The following PARVG variants were observed in gnomAD, a reference collection of about 807,000 sequenced individuals.
The protein encoded by PARVG is gamma-parvin.
A neutral mutation model predicts 44.4 loss-of-function variants in PARVG; 36 were observed. That is an observed-to-expected ratio of 0.81 (90% CI 0.62 to 1.07). The LOEUF is 1.07. PARVG is among the 50% of genes least tolerant of loss of function. The pLI is 0.00. For synonymous variants in PARVG, 170 were observed against 174.1 expected, an observed-to-expected ratio of 0.98 and a Z score of 0.19; for missense variants, 407 against 407.4, an observed-to-expected ratio of 1.00 and a Z score of 0.01.
intron 9 of PARVG, 64 bp from the exon 10 acceptor site, chr22:44,196,091 A>G (rs1266933657): frequency 9.4e-6 from 15 of 1,594,286 alleles, no homozygotes; most frequent in African/African-American, 1.3e-5. Context: ...GAAAAAAAAA[A>G]TTCCCTGTTT....
At chr22:44,193,732 T>G in intron 8 of PARVG, 69 bp from the exon 9 acceptor site, 50 of 1,586,190 alleles carry the variant, frequency 3.2e-5, no homozygotes, top group Non-Finnish European at 3.9e-5. Context: ...CTTGTCATAT[T>G]GAGAAATTGT....
intron 12 of PARVG, among the ~76,000 whole-genome samples, chr22:44,202,863 G>A (rs896185259): frequency 2.0e-5 from 3 of 152,140 alleles, no homozygotes; most frequent in African/African-American, 7.2e-5. Context: ...AGGATCATTC[G>A]CTCCCAGAAA....
chr22:44,190,731 C>A lies in PARVG; in HGVS notation c.504+65C>A, dbSNP rs2147227627. ...AGCCTCTTGGGCCCCCATTGCCGTA[C>A]CCTGCATGGGTGGAGCTGGCTGGGG... On this transcript the variant is annotated intron_variant, in intron 7 of 13. Transcript: ENST00000444313. 6 of 1,371,926 alleles carry A rather than the reference C, an allele frequency of 4.4e-6. No individual in the cohort carries two copies. In the South Asian group the frequency reaches 4.6e-5, roughly 11 times the overall value. The allele number at this position is 1,371,926 out of a possible 1,614,324, so 85.0% of individuals were successfully genotyped here.
rs2054784640 is a variant in PARVG, at chr22:44,206,529, G to A, written c.*103G>A. 1 of 990,126 alleles carries A rather than the reference G, an allele frequency of 1.0e-6. No homozygotes were observed. The highest frequency in any genetic ancestry group is 1.6e-5 in the African/African-American group (1 of 62,118). The allele number at this position is 990,126 out of a possible 1,614,324, so 61.3% of individuals were successfully genotyped here. ...GTCCCGCTGTTTCCTGTGCATTCGT[G>A]ACCCGCTTCCCTCCCACCCTGTCTC... On this transcript the variant is annotated 3_prime_UTR_variant, in exon 14 of 14. Coordinates refer to ENST00000444313, the MANE Select transcript of PARVG (RefSeq NM_022141.7).
chr22:44,177,740 A>G (rs139117), upstream of PARVG, among the ~76,000 whole-genome samples: 104,791 of 151,990 alleles, frequency 0.69, 36,856 homozygotes, highest in African/African-American at 0.82. Flanking sequence ...ATTACTTAGC[A>G]TGTGAGCACA....
intron 5 of PARVG, 111 bp from the exon 6 acceptor site, chr22:44,189,003 C>T (rs2054512027): frequency 1.4e-6 from 2 of 1,449,906 alleles, no homozygotes; most frequent in African/African-American, 2.8e-5. Flanking sequence ...ATGGGCTCTC[C>T]AGACCCATGT....
In PARVG at chr22:44,182,237, C is replaced by G. The variant is rs1341521828; in HGVS notation, c.-13+320C>G. Among the ~76,000 whole-genome samples the G allele has an allele frequency of 2.0e-5, 3 of 152,192 alleles. No homozygotes were observed. Among genetic ancestry groups the G allele is most frequent in the South Asian group, 2.1e-4 (1 of 4,826 alleles). ...GGCTGCTGATCCCTTTGGGCAGCAT[C>G]GAGTCCAGGCCCTCCTTGTAACCAT... On this transcript the variant is annotated intron_variant, in intron 2 of 13. Coordinates refer to ENST00000444313, the MANE Select transcript of PARVG (RefSeq NM_022141.7). This position sits in a 1 kb window ranked among gnomAD's most constrained non-coding sequence, Gnocchi z 4.6.
chr22:44,185,508 G>A, intron 3 of PARVG: 1 of 281,332 alleles, frequency 3.6e-6, no homozygotes, highest in Non-Finnish European at 7.0e-6. Flanking sequence ...TCTGGCTGGG[G>A]TTTCACTTTA....
chr22:44,173,280 C>A, intron 1 of PARVG: 1 of 1,085,466 alleles, frequency 9.2e-7, no homozygotes, highest in Non-Finnish European at 1.2e-6. Context: ...CTGCATGACA[C>A]ATGGAGGTGG....
At chr22:44,195,450 T>C (rs1301619551) in intron 9 of PARVG, among the ~76,000 whole-genome samples, 1 of 152,150 alleles carries the variant, frequency 6.6e-6, no homozygotes. Flanking sequence ...CAAGGACCAG[T>C]GTCCCCATGG....
At chr22:44,187,247 T>C in intron 4 of PARVG, 1 of 173,472 alleles carries the variant, frequency 5.8e-6, no homozygotes, top group Non-Finnish European at 1.3e-5. Context: ...CTTCTCCCTT[T>C]CCCCCAGCTG....
At chr22:44,173,484 A>G (rs1569173162) in intron 1 of PARVG, among the ~76,000 whole-genome samples, 1 of 152,112 alleles carries the variant, frequency 6.6e-6, no homozygotes, top group African/African-American at 2.4e-5. Flanking sequence ...CGAAATGATG[A>G]TAAAATTGTG....
chr22:44,200,999 CCAGCCA>C (rs991524547), intron 12 of PARVG, among the ~76,000 whole-genome samples: 12 of 152,244 alleles, frequency 7.9e-5, no homozygotes, highest in Non-Finnish European at 1.0e-4. Flanking sequence ...CTGCCGACTC[CCAGCCA>C]CAGCCACAGC....
chr22:44,206,121 G>T (rs139185), intron 13 of PARVG, among the ~76,000 whole-genome samples, 196 bp from the exon 14 acceptor site: 42,444 of 152,042 alleles, frequency 0.28, 7,095 homozygotes, highest in Non-Finnish European at 0.39. Context: ...ATTCAGAGGA[G>T]GACTGGCCAG....
At chr22:44,200,957 C>T (rs2054699377) in intron 12 of PARVG, among the ~76,000 whole-genome samples, 1 of 152,104 alleles carries the variant, frequency 6.6e-6, no homozygotes, top group Admixed American at 6.5e-5. Flanking sequence ...CAAGCCCCAT[C>T]TGCCTCCCCG....
intron 1 of PARVG, among the ~76,000 whole-genome samples, chr22:44,175,517 T>C (rs1166349432): frequency 6.6e-6 from 1 of 152,262 alleles, no homozygotes; most frequent in Non-Finnish European, 1.5e-5. Context: ...AAACCCACTC[T>C]TTGGGGTTTA....
At chr22:44,186,184 C>G in intron 4 of PARVG, 1 of 309,090 alleles carries the variant, frequency 3.2e-6, no homozygotes. Flanking sequence ...GACAGGTGAC[C>G]TCATCTGTCA....
At chr22:44,206,150 C>T (rs2054777795) in intron 13 of PARVG, among the ~76,000 whole-genome samples, 167 bp from the exon 14 acceptor site, 1 of 152,152 alleles carries the variant, frequency 6.6e-6, no homozygotes, top group Non-Finnish European at 1.5e-5. Context: ...GGCAGTCACG[C>T]AGCAGGCGCG....
intron 1 of PARVG, among the ~76,000 whole-genome samples, chr22:44,173,786 G>C (rs967783944): frequency 6.6e-6 from 1 of 152,156 alleles, no homozygotes; most frequent in African/African-American, 2.4e-5. Flanking sequence ...AGACAGTTTG[G>C]GTTCTGGGCA....
Sources: allele counts gnomAD v4.1 joint callset (sites outside exome capture counted in the v4.1 genomes callset), GRCh38; gene constraint gnomAD v4.1.1; non-coding constraint Gnocchi (gnomAD v3.1); transcripts MANE v1.5; gene names NCBI Gene and HGNC (gene_info 2026-07-23, HGNC 2026-07-21).